Variants in PARD3 observed in about 807,000 individuals in gnomAD.
PARD3 encodes partitioning defective 3 homolog.
Under a neutral mutation model 155.4 loss-of-function variants are expected in PARD3, and 75 were observed. That is an observed-to-expected ratio of 0.48 (90% CI 0.40 to 0.58). The LOEUF is 0.58. Ranked by LOEUF, PARD3 falls within the 20% of genes least tolerant of loss-of-function variation. PARD3 has a pLI of 0.00. For synonymous variants in PARD3, 576 were observed against 610.5 expected (o/e 0.94, Z 0.83); for missense variants, 1,642 against 1,721.7 (o/e 0.95, Z 0.82).
chr10:34,408,946 C>T (rs1844771608), intron 5 of PARD3, among the ~76,000 whole-genome samples: 7 of 151,962 alleles, frequency 4.6e-5, no homozygotes. Context: ...AGTCCAGTTC[C>T]TTATAATATA....
At chr10:34,790,514 T>C (rs1841501569) in intron 1 of PARD3, among the ~76,000 whole-genome samples, 2 of 152,146 alleles carry the variant, frequency 1.3e-5, no homozygotes, top group Non-Finnish European at 2.9e-5. Flanking sequence ...ATGCTTCTGT[T>C]AGGGCCAGAA....
At chr10:34,178,010 A>C (rs144912865) in intron 22 of PARD3, among the ~76,000 whole-genome samples, 2 of 152,240 alleles carry the variant, frequency 1.3e-5, no homozygotes, top group African/African-American at 4.8e-5. Flanking sequence ...CCTAAAATAT[A>C]CATATCAATG....
At chr10:34,624,336 G>C (rs2091870648) in intron 2 of PARD3, among the ~76,000 whole-genome samples, 1 of 152,140 alleles carries the variant, frequency 6.6e-6, no homozygotes, top group Non-Finnish European at 1.5e-5. Flanking sequence ...CAGCTGTGAG[G>C]AAAGAACTTA....
chr10:34,384,290 A>G (rs767386753), intron 7 of PARD3, 36 bp from the exon 8 acceptor site: 66 of 1,598,776 alleles, frequency 4.1e-5, no homozygotes, highest in Admixed American at 1.2e-4. Context: ...TACACATGTA[A>G]TATCTCCACC....
At chr10:34,402,276 T>C (rs918311363) in intron 5 of PARD3, among the ~76,000 whole-genome samples, 6 of 152,208 alleles carry the variant, frequency 3.9e-5, no homozygotes, top group Non-Finnish European at 8.8e-5. Flanking sequence ...ATTGTTACAA[T>C]GTATTGATAA....
intron 20 of PARD3, among the ~76,000 whole-genome samples, chr10:34,297,699 G>A (rs528208301): frequency 3.0e-4 from 45 of 152,316 alleles, no homozygotes; most frequent in African/African-American, 1.1e-3. Flanking sequence ...GCACAATAAA[G>A]TAAGGGTGGA....
rs61461165 is a variant in PARD3 at position 34,480,794 on chromosome 10, C to CTTTTT, written c.404-10536_404-10532dup. Among the ~76,000 whole-genome samples, 104 of 125,734 alleles carry CTTTTT rather than the reference C, an allele frequency of 8.3e-4. 1 individual carries two copies. Among genetic ancestry groups the CTTTTT allele is most frequent in the African/African-American group, 2.1e-3 (68 of 32,710 alleles). 82.5% of individuals were successfully genotyped at this position (125,734 alleles called of 152,430 possible). ...GGGGTACATCTGCAGGTTTCTTTTT[C>CTTTTT]TTTTTTTTTTTTTTTTTTTCTTTTT... On this transcript the variant is annotated intron_variant, in intron 3 of 24. Coordinates refer to ENST00000374788, the MANE Select transcript of PARD3 (RefSeq NM_001184785.2).
chr10:34,368,632 A>G (rs1047341985), intron 12 of PARD3, among the ~76,000 whole-genome samples: 1 of 152,074 alleles, frequency 6.6e-6, no homozygotes, highest in African/African-American at 2.4e-5. Context: ...AGATCGCACC[A>G]TTGCACTCCA....
At chr10:34,306,146 T>C (rs1282334383) in intron 20 of PARD3, among the ~76,000 whole-genome samples, 1 of 150,842 alleles carries the variant, frequency 6.6e-6, no homozygotes, top group Non-Finnish European at 1.5e-5. Context: ...TAGGTGGGTG[T>C]GGTGGCTCAT....
At chr10:34,693,118 T>G (rs2094101736) in intron 2 of PARD3, among the ~76,000 whole-genome samples, 1 of 152,106 alleles carries the variant, frequency 6.6e-6, no homozygotes, top group Non-Finnish European at 1.5e-5. Flanking sequence ...GGCAAGGGTG[T>G]GGAGAAAAGG....
intron 2 of PARD3, among the ~76,000 whole-genome samples, chr10:34,621,527 G>A (rs941566600): frequency 6.6e-6 from 1 of 152,162 alleles, no homozygotes; most frequent in Non-Finnish European, 1.5e-5. Flanking sequence ...GGAACATGAC[G>A]TATTTGTACA....
At chr10:34,644,252 G>A (rs1444228731) in intron 2 of PARD3, among the ~76,000 whole-genome samples, 2 of 152,278 alleles carry the variant, frequency 1.3e-5, no homozygotes, top group East Asian at 3.9e-4. Flanking sequence ...CATCTGCCCT[G>A]CAGCTGAAAA....
intron 2 of PARD3, among the ~76,000 whole-genome samples, chr10:34,681,329 C>T (rs965810473): frequency 2.0e-5 from 3 of 152,074 alleles, no homozygotes; most frequent in Non-Finnish European, 4.4e-5. Flanking sequence ...TCTAGTCCTT[C>T]ACAGCGACAG....
chr10:34,131,559 A>G lies in PARD3; in HGVS notation c.3444T>C (p.His1148=), dbSNP rs1339359415. 4 of 1,613,802 alleles carry G rather than the reference A, an allele frequency of 2.5e-6. No individual in the cohort carries two copies. Among genetic ancestry groups the G allele is most frequent in the East Asian group, 4.5e-5 (2 of 44,892 alleles). ...VDSNRSTPSN[H]DRIQRLRQEF... The stretch of plus-strand genomic sequence containing the variant: ...CTTGCCTCAGACGCTGTATCCGATC[A>G]TGATTGCTAGGAGTTGATCTGTTAC... The change falls in exon 23 of 25, where the codon CAT becomes CAC. Residue 1148 remains histidine (H), a synonymous_variant. Coordinates refer to ENST00000374788, the MANE Select transcript of PARD3 (RefSeq NM_001184785.2).
intron 22 of PARD3, among the ~76,000 whole-genome samples, chr10:34,241,449 G>A (rs1953590495): frequency 6.6e-6 from 1 of 152,166 alleles, no homozygotes; most frequent in South Asian, 2.1e-4. Flanking sequence ...AGCAGCGGGA[G>A]GGCACAGGGT....
At chr10:34,132,481 C>T (rs1947666006) in intron 22 of PARD3, among the ~76,000 whole-genome samples, 1 of 152,194 alleles carries the variant, frequency 6.6e-6, no homozygotes, top group Admixed American at 6.5e-5. Context: ...CTATGCCATG[C>T]ATATCACTTT....
intron 2 of PARD3, among the ~76,000 whole-genome samples, chr10:34,682,476 A>T (rs2133352985): frequency 6.6e-6 from 1 of 152,330 alleles, no homozygotes; most frequent in South Asian, 2.1e-4. Flanking sequence ...TCATAGAAAT[A>T]AAAAAATAAG....
chr10:34,614,992 C>A (rs2091154950), intron 2 of PARD3, among the ~76,000 whole-genome samples: 1 of 152,160 alleles, frequency 6.6e-6, no homozygotes, highest in Non-Finnish European at 1.5e-5. Flanking sequence ...TCCTGGCTAA[C>A]ACAGTGAAAC....
chr10:34,736,645 A>ATTTATTT, intron 1 of PARD3, among the ~76,000 whole-genome samples: 1 of 144,088 alleles, frequency 6.9e-6, no homozygotes, highest in African/African-American at 2.8e-5. Context: ...TTACTTTATT[A>ATTTATTT]ATTAATTAAT....
Sources: gnomAD v4.1 joint callset for allele counts (sites outside exome capture counted in the v4.1 genomes callset) on GRCh38, gnomAD v4.1.1 for gene constraint, MANE v1.5 for transcripts, NCBI Gene and HGNC (gene_info 2026-07-23, HGNC 2026-07-21) for gene names.